Variants in RBFOX2 observed in about 807,000 individuals in gnomAD.
The protein encoded by RBFOX2 is RNA binding fox-1 homolog 2.
Under a neutral mutation model 49.1 loss-of-function variants are expected in RBFOX2, and 10 were observed. That is an observed-to-expected ratio of 0.20 (90% CI 0.13 to 0.35). RBFOX2 has a LOEUF of 0.35. Ranked by LOEUF, RBFOX2 falls within the 10% of genes least tolerant of loss-of-function variation. RBFOX2 has a pLI of 1.00. For synonymous variants in RBFOX2, 183 were observed against 187.4 expected, an observed-to-expected ratio of 0.98 and a Z score of 0.19; for missense variants, 323 against 486.9, an observed-to-expected ratio of 0.66 and a Z score of 3.17.
At chr22:35,746,830 C>T (rs1932909497) in intron 9 of RBFOX2, 1 of 333,014 alleles carries the variant, frequency 3.0e-6, no homozygotes, top group East Asian at 4.6e-5. Context: ...CTGTTAAATA[C>T]AAGGAATGAA....
intron 1 of RBFOX2, among the ~76,000 whole-genome samples, chr22:35,820,498 C>T (rs906743882): frequency 6.6e-5 from 10 of 152,058 alleles, no homozygotes; most frequent in Non-Finnish European, 1.3e-4. Context: ...CTAATTCACT[C>T]AAAAAGGGGG....
chr22:35,904,353 T>C (rs1490235083), intron 1 of RBFOX2, among the ~76,000 whole-genome samples: 1 of 152,224 alleles, frequency 6.6e-6, no homozygotes. Flanking sequence ...AAGTAATGTT[T>C]TGTGTATGTC....
At chr22:35,786,546 A>C (rs1946433386) in intron 2 of RBFOX2, among the ~76,000 whole-genome samples, 1 of 152,342 alleles carries the variant, frequency 6.6e-6, no homozygotes, top group East Asian at 1.9e-4. Flanking sequence ...GGGGGCCCCC[A>C]CCAGTCACGG....
intron 1 of RBFOX2, among the ~76,000 whole-genome samples, chr22:35,933,119 C>G (rs192128159): frequency 2.0e-5 from 3 of 152,130 alleles, no homozygotes; most frequent in Non-Finnish European, 4.4e-5. Context: ...AAGGGAAATA[C>G]AAGACATGGA....
intron 1 of RBFOX2, among the ~76,000 whole-genome samples, chr22:36,006,868 T>A (rs978473383): frequency 1.3e-5 from 2 of 152,152 alleles, no homozygotes; most frequent in Non-Finnish European, 2.9e-5. Flanking sequence ...TATGCTCCCA[T>A]AGAAGCACTA....
At chr22:35,853,097 C>A (rs1328199390) in intron 1 of RBFOX2, among the ~76,000 whole-genome samples, 1 of 152,040 alleles carries the variant, frequency 6.6e-6, no homozygotes. Context: ...AGTTTGAGAC[C>A]AGCCTGGCCA....
At chr22:35,869,635 C>A (rs539538134) in intron 1 of RBFOX2, among the ~76,000 whole-genome samples, 8 of 152,128 alleles carry the variant, frequency 5.3e-5, no homozygotes, top group Admixed American at 3.3e-4. Context: ...TTTCTTTAAA[C>A]AGTTGTTTAA....
chr22:35,809,128 G>A (rs774235621), intron 2 of RBFOX2, among the ~76,000 whole-genome samples: 22 of 151,172 alleles, frequency 1.5e-4, no homozygotes, highest in Non-Finnish European at 2.6e-4. Context: ...CCGGAAATAA[G>A]TGATGAGGTT....
intron 1 of RBFOX2, among the ~76,000 whole-genome samples, chr22:35,899,178 A>ATAACATAACAT (rs1556357853): frequency 3.4e-4 from 45 of 133,500 alleles, no homozygotes; most frequent in East Asian, 1.5e-3. Flanking sequence ...ATAACATAAC[A>ATAACATAACAT]AACATAAAAA....
chr22:35,953,509 G>C, intron 1 of RBFOX2, among the ~76,000 whole-genome samples: 1 of 152,148 alleles, frequency 6.6e-6, no homozygotes, highest in Admixed American at 6.5e-5. Flanking sequence ...GAAGGGGAAA[G>C]ACAGGATGAT....
chr22:35,850,172 G>A (rs114380841), intron 1 of RBFOX2, among the ~76,000 whole-genome samples: 2,348 of 140,412 alleles, frequency 0.017, 64 homozygotes, highest in African/African-American at 0.06. Flanking sequence ...GCACGCATGC[G>A]CATTCTCTGT....
At chr22:35,883,024 A>C (rs1185081518) in intron 1 of RBFOX2, among the ~76,000 whole-genome samples, 2 of 152,222 alleles carry the variant, frequency 1.3e-5, no homozygotes, top group Non-Finnish European at 2.9e-5. Context: ...ACTGACTCTG[A>C]AATCTAGCAG....
rs376942094 is a variant in RBFOX2 at position 35,938,199 on chromosome 22, A to C, written c.-34+648T>G. Among the ~76,000 whole-genome samples, 6 of 152,270 alleles carry C rather than the reference A, an allele frequency of 3.9e-5. No individual in the cohort carries two copies. The South Asian group carries it at 1.2e-3, about 32-fold the overall frequency. On this transcript the variant is annotated intron_variant, in intron 1 of 13. Coordinates refer to the RBFOX2 transcript ENST00000359369. The stretch of plus-strand genomic sequence containing the variant: ...GAAGCCTTACCTGTTCTTCTATCCT[A>C]ACTCTGTTTCAACGTCATGGGCTCA...
At chr22:36,009,438 A>G (rs913596926) in intron 1 of RBFOX2, among the ~76,000 whole-genome samples, 1 of 152,096 alleles carries the variant, frequency 6.6e-6, no homozygotes, top group Non-Finnish European at 1.5e-5. Flanking sequence ...CAGTGGTGCA[A>G]TCATGGCTCA....
chr22:35,750,408 A>T, intron 9 of RBFOX2: 1 of 1,577,884 alleles, frequency 6.3e-7, no homozygotes, highest in Non-Finnish European at 8.7e-7. Flanking sequence ...GGACATATGT[A>T]TTTACACACA....
intron 1 of RBFOX2, among the ~76,000 whole-genome samples, chr22:35,917,562 G>C (rs1188091783): frequency 2.0e-5 from 3 of 152,206 alleles, no homozygotes; most frequent in Non-Finnish European, 4.4e-5. Flanking sequence ...CTGCTTGTTA[G>C]GTTAGTGTAG....
chr22:35,884,950 C>T (rs1466305727), intron 1 of RBFOX2, among the ~76,000 whole-genome samples: 1 of 152,070 alleles, frequency 6.6e-6, no homozygotes, highest in Non-Finnish European at 1.5e-5. Context: ...ATAGGAGGCA[C>T]TTGGGAATTT....
intron 3 of RBFOX2, among the ~76,000 whole-genome samples, chr22:35,779,139 AATAGCTGACT>A (rs1329006550): frequency 6.6e-6 from 1 of 152,234 alleles, no homozygotes; most frequent in Non-Finnish European, 1.5e-5. Flanking sequence ...TAGGTAGCTA[AATAGCTGACT>A]AGAGGGTTAC....
At chr22:35,878,204 C>T (rs1308236806) in intron 1 of RBFOX2, among the ~76,000 whole-genome samples, 1 of 152,030 alleles carries the variant, frequency 6.6e-6, no homozygotes, top group East Asian at 1.9e-4. Flanking sequence ...CAAGACCAGC[C>T]TGGCGAACAC....
Sources: allele counts gnomAD v4.1 joint callset (sites outside exome capture counted in the v4.1 genomes callset), GRCh38; gene constraint gnomAD v4.1.1; transcripts MANE v1.5; gene names NCBI Gene and HGNC (gene_info 2026-07-23, HGNC 2026-07-21).